Variants in BCAS1 observed in about 807,000 individuals in gnomAD.
The protein encoded by BCAS1 is breast carcinoma-amplified sequence 1.
In BCAS1, 46 loss-of-function variants were observed where a neutral mutation model predicts 65.4. The ratio of observed to expected loss-of-function variants is 0.70; its 90% CI spans 0.55 to 0.90. The LOEUF (loss-of-function observed/expected upper bound fraction) is 0.90. BCAS1 is among the 40% of genes least tolerant of loss of function. The pLI is 0.00. For missense variants in BCAS1, 793 were observed against 771.2 expected (o/e 1.03, Z -0.33); for synonymous variants, 298 against 293.5 (o/e 1.02, Z -0.16).
chr20:53,984,925 T>C (rs2090573057), intron 8 of BCAS1, among the ~76,000 whole-genome samples: 3 of 152,162 alleles, frequency 2.0e-5, no homozygotes, highest in African/African-American at 7.2e-5. Context: ...GTAGTTCATC[T>C]TGCCAGAGTA....
At chr20:54,060,916 G>C (rs995711380) in intron 1 of BCAS1, among the ~76,000 whole-genome samples, 1 of 152,160 alleles carries the variant, frequency 6.6e-6, no homozygotes, top group East Asian at 1.9e-4. Context: ...ACGATTGATA[G>C]CATCTCTCAC....
intron 4 of BCAS1, among the ~76,000 whole-genome samples, chr20:54,001,273 C>T (rs2091048490): frequency 6.6e-6 from 1 of 152,208 alleles, no homozygotes; most frequent in Non-Finnish European, 1.5e-5. Flanking sequence ...CTTGTTCATT[C>T]CTGGGGGTAG....
rs559378630 is a variant in BCAS1, at chr20:53,950,009, A to T, written c.1815+3423T>A. 5.3e-5 allele frequency among the ~76,000 whole-genome samples: 8 copies of T among 152,242 alleles called. No homozygotes were observed. In the East Asian group the frequency reaches 7.7e-4, roughly 15 times the overall value. On this transcript the variant is annotated intron_variant, in intron 12 of 12. Coordinates refer to ENST00000688948, the MANE Select transcript of BCAS1 (RefSeq NM_001366298.2). ...GACCTGTATTAACTAGCTCCTAATG[A>T]CCTTCAACAGCCATTCTCCACCACA... is the stretch of plus-strand genomic sequence containing the variant.
chr20:54,054,715 C>T (rs544174501), intron 3 of BCAS1, among the ~76,000 whole-genome samples: 10 of 152,250 alleles, frequency 6.6e-5, no homozygotes, highest in South Asian at 4.2e-4. Context: ...GGTGTGAGGG[C>T]GAGGTACAAA....
intron 8 of BCAS1, among the ~76,000 whole-genome samples, chr20:53,983,551 A>G (rs972044813): frequency 1.3e-5 from 2 of 152,150 alleles, no homozygotes; most frequent in Non-Finnish European, 2.9e-5. Context: ...TTTTTACCAT[A>G]TTGTATCATC....
At chr20:54,038,164 T>C (rs1366858318) in intron 3 of BCAS1, among the ~76,000 whole-genome samples, 1 of 151,266 alleles carries the variant, frequency 6.6e-6, no homozygotes, top group Non-Finnish European at 1.5e-5. Flanking sequence ...TCACCACTAG[T>C]TATTCTTTCA....
intron 3 of BCAS1, among the ~76,000 whole-genome samples, chr20:54,047,360 A>C (rs1224722174): frequency 6.6e-6 from 1 of 152,210 alleles, no homozygotes; most frequent in Non-Finnish European, 1.5e-5. Context: ...AGGGGTGTGA[A>C]TACCAGGAAG....
chr20:54,024,144 G>A (rs2091620932), intron 4 of BCAS1, among the ~76,000 whole-genome samples: 1 of 152,212 alleles, frequency 6.6e-6, no homozygotes, highest in African/African-American at 2.4e-5. Context: ...AGGTGAAGTA[G>A]CTTGCCCAAG....
chr20:54,061,112 C>T (rs1239645462), intron 1 of BCAS1, among the ~76,000 whole-genome samples: 3 of 152,186 alleles, frequency 2.0e-5, no homozygotes, highest in Non-Finnish European at 4.4e-5. Context: ...CTATAGCACT[C>T]CTGTGAGATA....
chr20:53,972,125 G>A (rs748183796), intron 9 of BCAS1, among the ~76,000 whole-genome samples: 4 of 152,182 alleles, frequency 2.6e-5, no homozygotes, highest in Non-Finnish European at 5.9e-5. Context: ...TGTAGGTAGA[G>A]AAATTTTAAA....
intron 3 of BCAS1, among the ~76,000 whole-genome samples, chr20:54,043,144 A>G (rs1273755670): frequency 6.6e-6 from 1 of 152,228 alleles, no homozygotes; most frequent in East Asian, 1.9e-4. Context: ...GGGGCCAGCC[A>G]CTGGTAACAT....
At chr20:53,961,209 T>C (rs1214262045) in intron 10 of BCAS1, among the ~76,000 whole-genome samples, 1 of 152,252 alleles carries the variant, frequency 6.6e-6, no homozygotes, top group African/African-American at 2.4e-5. Context: ...AAGTGTTTGG[T>C]GGTCAGTTCA....
intron 1 of BCAS1, among the ~76,000 whole-genome samples, 189 bp downstream of exon 1, chr20:54,070,244 T>C (rs537220756): frequency 3.1e-4 from 47 of 152,338 alleles, no homozygotes; most frequent in African/African-American, 9.4e-4. Context: ...AACTTTGAGA[T>C]GAGTGCTATC....
At chr20:54,024,128 C>A (rs886520980) in intron 4 of BCAS1, among the ~76,000 whole-genome samples, 2 of 152,136 alleles carry the variant, frequency 1.3e-5, no homozygotes, top group African/African-American at 4.8e-5. Context: ...GAAACTGAGG[C>A]TCAGGAGGTG....
At chr20:53,951,040 T>A (rs2089503923) in intron 12 of BCAS1, among the ~76,000 whole-genome samples, 1 of 152,250 alleles carries the variant, frequency 6.6e-6, no homozygotes, top group Non-Finnish European at 1.5e-5. Context: ...TCATCTGAAC[T>A]TTTCCATACC....
At chr20:53,981,818 G>A (rs559779304) in intron 8 of BCAS1, among the ~76,000 whole-genome samples, 2 of 110,670 alleles carry the variant, frequency 1.8e-5, no homozygotes, top group Admixed American at 1.6e-4. Context: ...ATACATGTGC[G>A]TGCGTGTGTG....
intron 1 of BCAS1, among the ~76,000 whole-genome samples, chr20:54,068,115 C>G (rs1193806187): frequency 6.6e-6 from 1 of 152,214 alleles, no homozygotes; most frequent in Non-Finnish European, 1.5e-5. Flanking sequence ...AACTGAAATC[C>G]AGTCCTCACT....
At chr20:53,957,880 A>AT (rs1407738451) in intron 10 of BCAS1, among the ~76,000 whole-genome samples, 1 of 142,232 alleles carries the variant, frequency 7.0e-6, no homozygotes, top group Non-Finnish European at 1.5e-5. Context: ...TGGGTGTTTT[A>AT]TTGTTTTTTT....
intron 12 of BCAS1, among the ~76,000 whole-genome samples, chr20:53,946,560 A>G (rs2089328401): frequency 6.6e-6 from 1 of 151,004 alleles, no homozygotes; most frequent in Non-Finnish European, 1.5e-5. Context: ...GAGTAGTATA[A>G]TAACGTATTG....
Sources: gnomAD v4.1 joint callset for allele counts (sites outside exome capture counted in the v4.1 genomes callset) on GRCh38, gnomAD v4.1.1 for gene constraint, MANE v1.5 for transcripts, NCBI Gene and HGNC (gene_info 2026-07-23, HGNC 2026-07-21) for gene names.